The following PCDHGB4 variants were observed in gnomAD, a reference collection of about 807,000 sequenced individuals.
PCDHGB4 encodes the protein protocadherin gamma-B4.
A neutral mutation model predicts 60.5 loss-of-function variants in PCDHGB4; 38 were observed. The ratio of observed to expected loss-of-function variants is 0.63; its 90% confidence interval spans 0.48 to 0.82. The LOEUF (loss-of-function observed/expected upper bound fraction) is 0.82. PCDHGB4 is among the 40% of genes least tolerant of loss of function. The pLI is 0.00. For missense variants in PCDHGB4, 1,109 were observed against 1,209.6 expected (o/e 0.92, Z 1.23); for synonymous variants, 456 against 509.7 (o/e 0.89, Z 1.42).
At chr5:141,465,266 C>G (rs2099099623) in intron 1 of PCDHGB4, among the ~76,000 whole-genome samples, 1 of 152,096 alleles carries the variant, frequency 6.6e-6, no homozygotes, top group South Asian at 2.1e-4. Flanking sequence ...ATGATACTAG[C>G]CATTTAGTTC....
At position 141,511,345 on chromosome 5, in the gene PCDHGB4, T is replaced by C; in HGVS notation, c.*172T>C. ...AAGTGCCCAGTCAGCACCTACCCCT[T>C]CCCCCCCAGGGGGTTGAATATGCAA... On this transcript the variant is annotated 3_prime_UTR_variant, in exon 4 of 4. Transcript: ENST00000519479. The C allele has an allele frequency of 1.4e-6, 2 of 1,410,502 alleles. No homozygotes were observed. The highest frequency in any genetic ancestry group is 9.4e-7 in the Non-Finnish European group (1 of 1,060,676). 87.4% of individuals were successfully genotyped at this position (1,410,502 alleles called of 1,614,324 possible).
At chr5:141,415,274 C>T (rs775112066) in intron 1 of PCDHGB4, 19 of 1,614,086 alleles carry the variant, frequency 1.2e-5, no homozygotes, top group Admixed American at 1.0e-4. Context: ...CTGGTGGTAG[C>T]GGTGGCCGCG....
Position 141,491,657 on chromosome 5 carries a change from A to T in PCDHGB4, c.2398-3150A>T. 1.2e-6 allele frequency: 2 copies of T among 1,613,740 alleles called. No homozygotes were observed. Among genetic ancestry groups the T allele is most frequent in the Non-Finnish European group, 1.7e-6 (2 of 1,180,006 alleles). On this transcript the variant is annotated intron_variant, in intron 1 of 3. Transcript: ENST00000519479. The surrounding 1 kb of genome is among the most constrained non-coding windows in gnomAD (Gnocchi z 6.9). ...CCCACAGCTCTGGCGCTGGAGCCTG[A>T]CGCCATCCGGTCCCGCTCTAATACG...
rs776330769 is a variant in PCDHGB4 at position 141,413,206 on chromosome 5, T to G, written c.2397+22925T>G. The stretch of plus-strand genomic sequence containing the variant: ...CGCTCAAAGGAATCGCTCAAAGGAA[T>G]CAAAGGATTGCAGCGGGCTGGTCCT... On this transcript the variant is annotated intron_variant, in intron 1 of 3. Transcript: ENST00000519479. 4.3e-6 allele frequency: 7 copies of G among 1,612,936 alleles called. 1 individual carries two copies. In the South Asian group the frequency reaches 7.7e-5, roughly 18 times the overall value.
intron 1 of PCDHGB4, chr5:141,418,261 G>T (rs763160633): frequency 1.9e-6 from 3 of 1,613,938 alleles, no homozygotes; most frequent in Non-Finnish European, 2.5e-6. Flanking sequence ...CTCAATTCCG[G>T]AAAGATGAAA....
At position 141,485,568 on chromosome 5, in the gene PCDHGB4, G is replaced by T. The variant is rs1020556289; in HGVS notation, c.2398-9239G>T. 6.2e-7 allele frequency: 1 copy of T among 1,612,758 alleles called. No homozygotes were observed. Among genetic ancestry groups the T allele is most frequent in the Non-Finnish European group, 8.5e-7 (1 of 1,178,924 alleles). On this transcript the variant is annotated intron_variant, in intron 1 of 3. Coordinates refer to ENST00000519479, the MANE Select transcript of PCDHGB4 (RefSeq NM_003736.4). The surrounding 1 kb of genome is among the most constrained non-coding windows in gnomAD (Gnocchi z 5.7). Reference sequence around the variant, plus strand: ...GTAGATGTGAATGATCACGCCCCCCGTTTTCCGCGGCAGCAGCTGGACTTG... The same window carrying T: ...GTAGATGTGAATGATCACGCCCCCCTTTTTCCGCGGCAGCAGCTGGACTTG...
rs377367120 is a variant in PCDHGB4, at chr5:141,431,614, C to A, written c.2397+41333C>A. On this transcript the variant is annotated intron_variant, in intron 1 of 3. Transcript: ENST00000519479. The surrounding 1 kb of genome is among the most constrained non-coding windows in gnomAD (Gnocchi z 4.8). ...TGAGGTATTCCTTCCGGTATGTGGA[C>A]GACAAGGCGGCCCAAGTTTTCAAAC... The A allele has an allele frequency of 8.7e-6, 14 of 1,614,206 alleles. No individual in the cohort carries two copies. In the African/African-American group the frequency reaches 1.6e-4, roughly 18 times the overall value.
intron 1 of PCDHGB4, chr5:141,422,738 C>G: frequency 6.2e-7 from 1 of 1,609,538 alleles, no homozygotes; most frequent in Non-Finnish European, 8.5e-7. Flanking sequence ...CCTCTGTCCT[C>G]CTATGTCTCT....
chr5:141,460,037 C>A (rs1203902962), intron 1 of PCDHGB4, among the ~76,000 whole-genome samples: 1 of 152,120 alleles, frequency 6.6e-6, no homozygotes, highest in African/African-American at 2.4e-5. Context: ...GAGACTGCAC[C>A]ACTGCACTCC....
At position 141,421,139 on chromosome 5, in the gene PCDHGB4, A is replaced by T. The variant is rs2096548615; in HGVS notation, c.2397+30858A>T. Reference sequence around the variant, plus strand: ...TCCTTCGCTTTCTGATATATTTTGGATGTAGTCGGCCTAGGACTTCATAGA... The same window carrying T: ...TCCTTCGCTTTCTGATATATTTTGGTTGTAGTCGGCCTAGGACTTCATAGA... On this transcript the variant is annotated intron_variant, in intron 1 of 3. Transcript: ENST00000519479. 5 of 913,574 alleles carry T rather than the reference A, an allele frequency of 5.5e-6. No individual in the cohort carries two copies. The South Asian group carries it at 8.8e-5, about 16-fold the overall frequency. 56.6% of individuals were successfully genotyped at this position (913,574 alleles called of 1,614,324 possible). A position where few individuals can be genotyped will look rare whatever the true frequency, so the allele number is the denominator to read the frequency against.
intron 1 of PCDHGB4, among the ~76,000 whole-genome samples, chr5:141,436,677 G>T (rs966497986): frequency 2.2e-4 from 33 of 152,278 alleles, no homozygotes; most frequent in Non-Finnish European, 2.9e-5. Flanking sequence ...CCAAAAAAAG[G>T]ATTTATATTT....
At chr5:141,422,126 GAGA>G (rs767100115) in intron 1 of PCDHGB4, 2 of 1,601,210 alleles carry the variant, frequency 1.2e-6, no homozygotes, top group South Asian at 2.3e-5. Context: ...TCACAAACTG[GAGA>G]AGTTCAAGTA....
chr5:141,425,587 T>G (rs2096884432), intron 1 of PCDHGB4, among the ~76,000 whole-genome samples: 2 of 152,226 alleles, frequency 1.3e-5, no homozygotes. Flanking sequence ...CTAACTTTAT[T>G]CTGAATATGC....
chr5:141,422,136 AGTACGGGG>A (rs772818860), intron 1 of PCDHGB4: 9 of 1,588,992 alleles, frequency 5.7e-6, no homozygotes, highest in Non-Finnish European at 7.7e-6. Flanking sequence ...GAGAAGTTCA[AGTACGGGG>A]GTCTCTGGAT....
rs748803155 is a variant in PCDHGB4, at chr5:141,490,087, G to C, written c.2398-4720G>C. ...CGGCCAACTAGACTATTCTTTTGGAGACCACACATCTGAGGCAGTGCGGAA... is the reference window on the plus strand; with the variant it reads ...CGGCCAACTAGACTATTCTTTTGGACACCACACATCTGAGGCAGTGCGGAA... On this transcript the variant is annotated intron_variant, in intron 1 of 3. Transcript: ENST00000519479. The surrounding 1 kb of genome is among the most constrained non-coding windows in gnomAD (Gnocchi z 5.4). 1.9e-6 allele frequency: 3 copies of C among 1,614,244 alleles called. No individual in the cohort carries two copies. Among genetic ancestry groups the C allele is most frequent in the Non-Finnish European group, 2.5e-6 (3 of 1,180,044 alleles).
chr5:141,479,000 T>C (rs2099485433), intron 1 of PCDHGB4, among the ~76,000 whole-genome samples: 1 of 152,244 alleles, frequency 6.6e-6, no homozygotes, highest in Non-Finnish European at 1.5e-5. Flanking sequence ...TTAAAACTAA[T>C]AGCTTTTTGA....
chr5:141,395,114 C>T (rs2093175908), intron 1 of PCDHGB4: 2 of 1,614,070 alleles, frequency 1.2e-6, no homozygotes, highest in African/African-American at 1.3e-5. Context: ...GGAAGAGTCA[C>T]CTGATCTTTC....
rs1482322150 is a variant in PCDHGB4, at chr5:141,485,119, C to T, written c.2398-9688C>T. On this transcript the variant is annotated intron_variant, in intron 1 of 3. Transcript: ENST00000519479. This position sits in a 1 kb window ranked among gnomAD's most constrained non-coding sequence, Gnocchi z 5.7. ...CTCCAGCTGCTGTGGCTGTTTGGGGCGGGTCGGCTTCATCCGCGTCTCAGG... is the reference window on the plus strand; with the variant it reads ...CTCCAGCTGCTGTGGCTGTTTGGGGTGGGTCGGCTTCATCCGCGTCTCAGG... 9.8e-6 allele frequency: 13 copies of T among 1,328,806 alleles called. No individual in the cohort carries two copies. The East Asian group carries it at 1.8e-4, about 19-fold the overall frequency. 82.3% of individuals were successfully genotyped at this position (1,328,806 alleles called of 1,614,324 possible). A position where few individuals can be genotyped will look rare whatever the true frequency, so the allele number is the denominator to read the frequency against.
At chr5:141,481,346 C>T (rs2099536003) in intron 1 of PCDHGB4, among the ~76,000 whole-genome samples, 1 of 152,248 alleles carries the variant, frequency 6.6e-6, no homozygotes, top group Non-Finnish European at 1.5e-5. Context: ...ATTATTTAAA[C>T]ATCTACAGCT....
Sources: allele counts gnomAD v4.1 joint callset (sites outside exome capture counted in the v4.1 genomes callset), GRCh38; gene constraint gnomAD v4.1.1; non-coding constraint Gnocchi (gnomAD v3.1); transcripts MANE v1.5; gene names NCBI Gene and HGNC (gene_info 2026-07-23, HGNC 2026-07-21).